RPS6KC1: variants seen among roughly 807,000 people sequenced by gnomAD.
RPS6KC1 encodes the protein inactive ribosomal protein S6 kinase delta-1.
RPS6KC1 carries 54 observed loss-of-function variants against 103.8 expected under a neutral mutation model. The observed-to-expected ratio is 0.52, with a 90% CI of 0.42 to 0.65. The LOEUF (loss-of-function observed/expected upper bound fraction) is 0.65. Ranked by LOEUF, RPS6KC1 falls within the 30% of genes least tolerant of loss-of-function variation. RPS6KC1 has a pLI of 0.00. For missense variants in RPS6KC1, 1,151 were observed against 1,253.8 expected, an observed-to-expected ratio of 0.92 and a Z score of 1.24; for synonymous variants, 439 against 438.7, an observed-to-expected ratio of 1.00 and a Z score of -0.01.
the RPS6KC1 span, among the ~76,000 whole-genome samples, chr1:213,663,262 TG>T: frequency 6.6e-6 from 1 of 152,374 alleles, no homozygotes; most frequent in African/African-American, 2.4e-5. Context: ...AGACAAGAGC[TG>T]TGACTTGCAA....
the RPS6KC1 span, among the ~76,000 whole-genome samples, chr1:213,496,650 CG>C: frequency 6.6e-6 from 1 of 151,996 alleles, no homozygotes; most frequent in Admixed American, 6.6e-5. Flanking sequence ...CCCAGCTACT[CG>C]TGAGGCTGAG....
At chr1:213,627,549 G>T in the RPS6KC1 span, among the ~76,000 whole-genome samples, 16 of 152,074 alleles carry the variant, frequency 1.1e-4, no homozygotes, top group Non-Finnish European at 2.1e-4. Flanking sequence ...GTATGATATT[G>T]GCTGTGGGTT....
the RPS6KC1 span, among the ~76,000 whole-genome samples, chr1:213,597,376 G>C: frequency 1.3e-5 from 2 of 152,236 alleles, no homozygotes; most frequent in African/African-American, 4.8e-5. Context: ...ATGTCCGCCA[G>C]TCTAGGAGTG....
In RPS6KC1 at chr1:213,215,547, G is replaced by A. The variant is rs187498612; in HGVS notation, c.1045-14950G>A. Among the ~76,000 whole-genome samples, 470 of 152,206 alleles carry A rather than the reference G, an allele frequency of 3.1e-3. 3 individuals carry two copies. Among genetic ancestry groups the A allele is most frequent in the African/African-American group, 0.011 (437 of 41,512 alleles). On this transcript the variant is annotated intron_variant, in intron 8 of 14. Transcript: ENST00000366960. Reference sequence around the variant, plus strand: ...AGAGAATGCCACAAAGATACTCCTCGAGAAGAGCAACTCCAAGACACATAA... The same window carrying A: ...AGAGAATGCCACAAAGATACTCCTCAAGAAGAGCAACTCCAAGACACATAA...
At chr1:213,152,812 GATGC>G (rs1215842959) in intron 6 of RPS6KC1, among the ~76,000 whole-genome samples, 1 of 152,138 alleles carries the variant, frequency 6.6e-6, no homozygotes, top group Non-Finnish European at 1.5e-5. Flanking sequence ...GCCAGGCAGA[GATGC>G]TCCTCACTTC....
intron 6 of RPS6KC1, among the ~76,000 whole-genome samples, chr1:213,152,807 G>A (rs192101957): frequency 6.6e-6 from 1 of 152,094 alleles, no homozygotes; most frequent in African/African-American, 2.4e-5. Context: ...GGGCCGCCAG[G>A]CAGAGATGCT....
At chr1:213,738,502 G>C in the RPS6KC1 span, among the ~76,000 whole-genome samples, 1,367 of 152,248 alleles carry the variant, frequency 9.0e-3, 27 homozygotes, top group African/African-American at 0.031. Flanking sequence ...GCCGCTTAGA[G>C]CTCCTGAGAA....
intron 3 of RPS6KC1, among the ~76,000 whole-genome samples, chr1:213,098,215 A>C (rs2081647476): frequency 1.3e-5 from 2 of 152,046 alleles, no homozygotes; most frequent in Non-Finnish European, 2.9e-5. Context: ...TTTGGGACTC[A>C]AGCAGTCCTC....
At chr1:213,733,769 G>A in the RPS6KC1 span, among the ~76,000 whole-genome samples, 1 of 152,100 alleles carries the variant, frequency 6.6e-6, no homozygotes, top group South Asian at 2.1e-4. Flanking sequence ...GGTTCAAGTA[G>A]CCTTCTCTAG....
intron 8 of RPS6KC1, among the ~76,000 whole-genome samples, chr1:213,208,625 T>C (rs139090410): frequency 2.2e-4 from 34 of 152,264 alleles, no homozygotes; most frequent in South Asian, 1.9e-3. Context: ...CCTCATAATC[T>C]GCTCAGGGAG....
the RPS6KC1 span, among the ~76,000 whole-genome samples, chr1:213,520,681 T>C: frequency 1.3e-5 from 2 of 152,148 alleles, no homozygotes; most frequent in Admixed American, 6.5e-5. Flanking sequence ...CATGAGAAGA[T>C]AAGGCAAGAA....
At chr1:213,254,005 G>A (rs2094589605) in intron 12 of RPS6KC1, among the ~76,000 whole-genome samples, 1 of 152,126 alleles carries the variant, frequency 6.6e-6, no homozygotes, top group South Asian at 2.1e-4. Flanking sequence ...TTGGCAATAT[G>A]GGCTACCAAG....
At chr1:213,480,592 G>A in the RPS6KC1 span, among the ~76,000 whole-genome samples, 2 of 151,986 alleles carry the variant, frequency 1.3e-5, no homozygotes, top group African/African-American at 4.8e-5. Context: ...AATTATAAAG[G>A]AAGGACTAAA....
At chr1:213,523,733 GC>G in the RPS6KC1 span, among the ~76,000 whole-genome samples, 1 of 152,348 alleles carries the variant, frequency 6.6e-6, no homozygotes, top group Non-Finnish European at 1.5e-5. Flanking sequence ...AATTCAAACT[GC>G]TGTAAGTGGT....
At chr1:213,818,429 A>G in the RPS6KC1 span, 3 of 152,398 alleles carry the variant, frequency 2.0e-5, no homozygotes, top group East Asian at 5.8e-4. Context: ...TGATAGGGAG[A>G]AAGTGTTAGC....
chr1:213,781,407 G>A, the RPS6KC1 span, among the ~76,000 whole-genome samples: 1 of 152,188 alleles, frequency 6.6e-6, no homozygotes, highest in African/African-American at 2.4e-5. Context: ...CCTAGGAGAT[G>A]GGATCCAGAA....
chr1:213,060,478 T>G lies in RPS6KC1; in HGVS notation c.105+8969T>G, dbSNP rs554961136. Among the ~76,000 whole-genome samples the G allele has an allele frequency of 2.2e-3, 332 of 152,332 alleles. 1 individual carries two copies. The highest frequency in any genetic ancestry group is 2.9e-3 in the Non-Finnish European group (198 of 68,024). ...AAAATGGCTCTCAAGGTGTCTTGTG[T>G]TTTCTAGAGTCTAGTTTTATTCTAC... On this transcript the variant is annotated intron_variant, in intron 1 of 14. Transcript: ENST00000366960.
chr1:213,711,866 G>A, the RPS6KC1 span, among the ~76,000 whole-genome samples: 1 of 152,184 alleles, frequency 6.6e-6, no homozygotes, highest in South Asian at 2.1e-4. Context: ...AAAGATTGCT[G>A]CCTGCTCCTT....
At chr1:213,068,963 T>G (rs1314455154) in intron 1 of RPS6KC1, among the ~76,000 whole-genome samples, 1 of 143,456 alleles carries the variant, frequency 7.0e-6, no homozygotes, top group Non-Finnish European at 1.5e-5. Flanking sequence ...GAGGCTGAGG[T>G]GGGAGGATCA....
Sources: allele counts gnomAD v4.1 joint callset (sites outside exome capture counted in the v4.1 genomes callset), GRCh38; gene constraint gnomAD v4.1.1; transcripts MANE v1.5; gene names NCBI Gene and HGNC (gene_info 2026-07-23, HGNC 2026-07-21).